Variants in MYO15A observed in about 807,000 individuals in gnomAD.
The protein encoded by MYO15A is unconventional myosin-XV.
MYO15A carries 308 observed loss-of-function variants against 394.6 expected under a neutral mutation model. That is an observed-to-expected ratio of 0.78 (90% CI 0.71 to 0.86). MYO15A has a LOEUF of 0.86. Among genes scored for constraint, MYO15A ranks in the 40% least tolerant of loss-of-function variants. The pLI is 0.00. For synonymous variants in MYO15A, 1,957 were observed against 2,003.8 expected (o/e 0.98, Z 0.62); for missense variants, 4,606 against 4,799.1 (o/e 0.96, Z 1.19).
intron 7 of MYO15A, among the ~76,000 whole-genome samples, chr17:18,129,411 T>C (rs942797493): frequency 6.6e-6 from 1 of 152,210 alleles, no homozygotes; most frequent in African/African-American, 2.4e-5. Context: ...CCTTGACTTA[T>C]TGAGCAATCA....
In MYO15A at chr17:18,119,218, A is replaced by C. The variant is rs1380697084; in HGVS notation, c.418A>C (p.Lys140Gln). The C allele has an allele frequency of 1.2e-6, 2 of 1,612,468 alleles. No homozygotes were observed. Among genetic ancestry groups the C allele is most frequent in the Non-Finnish European group, 1.7e-6 (2 of 1,179,892 alleles). ...ASTAINWLTK[K>Q]FLLKKAEESG... ...CACGGCCATCAACTGGCTCACAAAA[A>C]AGTTCCTCCTCAAGAAGGCCGAGGA... Residue 140 changes from lysine (K) to glutamine (Q), a missense_variant, in exon 2 of 66, where the codon AAG becomes CAG. Physicochemically the swap from Lys to Gln is moderately conservative, Grantham distance 53. Coordinates refer to ENST00000647165, the MANE Select transcript of MYO15A (RefSeq NM_016239.4).
At chr17:18,113,840 A>ACT (rs1555536611) in intron 1 of MYO15A, among the ~76,000 whole-genome samples, 3 of 141,082 alleles carry the variant, frequency 2.1e-5, no homozygotes, top group South Asian at 2.3e-4. Context: ...ACACACACAC[A>ACT]CTCTTCCTAC....
Position 18,157,830 on chromosome 17 carries a change from G to A in MYO15A, c.8897G>A (p.Gly2966Asp), listed in dbSNP as rs1351342041. The change falls in exon 51 of 66, where the codon GGC becomes GAC. Residue 2966 changes from glycine to aspartate, a missense_variant. Physicochemically the swap from Gly to Asp is moderately conservative, Grantham distance 94. Around this residue, in one of 2 missense-constraint regions of MYO15A, gnomAD observed 2,776 missense variants for 3,109.3 expected, o/e 0.89. Coordinates refer to ENST00000647165, the MANE Select transcript of MYO15A (RefSeq NM_016239.4). ...CAGCTGCCAACGGAGCCAGGCCGCG[G>A]CCGAGCAGCCGCCGTGGCCGCTGCT... Reference protein sequence around the residue: ...FLQLPTEPGRGRAAAVAAAVA... With the variant: ...FLQLPTEPGRDRAAAVAAAVA... 2 of 1,592,170 alleles carry A rather than the reference G, an allele frequency of 1.3e-6. No homozygotes were observed. Among genetic ancestry groups the A allele is most frequent in the Non-Finnish European group, 1.7e-6 (2 of 1,174,760 alleles).
chr17:18,116,781 G>A (rs560156336), intron 1 of MYO15A, among the ~76,000 whole-genome samples: 2 of 152,248 alleles, frequency 1.3e-5, no homozygotes, highest in South Asian at 2.1e-4. Flanking sequence ...TTGGCCAGGC[G>A]TGGTGGCACA....
rs1160837213 is a variant in MYO15A at position 18,179,278 on chromosome 17, A to C, written c.*408A>C. On this transcript the variant is annotated 3_prime_UTR_variant, in exon 66 of 66. Transcript: ENST00000647165. ...AGGGTCTGATGTTGGAATCTGCTCC[A>C]ACTCCACACCCTAGCCCTTACATGT... 1 of 328,558 alleles carries C rather than the reference A, an allele frequency of 3.0e-6. No individual in the cohort carries two copies. Among genetic ancestry groups the C allele is most frequent in the Non-Finnish European group, 5.9e-6 (1 of 168,470 alleles). 20.4% of individuals were successfully genotyped at this position (328,558 alleles called of 1,614,324 possible).
In MYO15A at chr17:18,120,330, G is replaced by A. The variant is rs779787865; in HGVS notation, c.1530G>A (p.Ala510=). The change falls in exon 2 of 66, where the codon GCG becomes GCA. Residue 510 remains alanine, a synonymous_variant. Transcript: ENST00000647165. The stretch of plus-strand genomic sequence containing the variant: ...ACATTCCTCTCCCCTTGGGGGATGC[G>A]GACGAAGAAGAGGACGAGGAGGAGC... The part of the protein sequence containing the change: ...SLDIPLPLGD[A]DEEEDEEELP... The A allele has an allele frequency of 6.2e-7, 1 of 1,612,226 alleles. No homozygotes were observed. Among genetic ancestry groups the A allele is most frequent in the Non-Finnish European group, 8.5e-7 (1 of 1,179,986 alleles).
At chr17:18,175,212 C>G (rs1017485924) in intron 65 of MYO15A, among the ~76,000 whole-genome samples, 1 of 151,678 alleles carries the variant, frequency 6.6e-6, no homozygotes, top group Non-Finnish European at 1.5e-5. Flanking sequence ...AGCCACTGCA[C>G]CCAGCCTTCT....
intron 19 of MYO15A, 135 bp downstream of exon 19, chr17:18,139,746 G>A: frequency 1.9e-6 from 2 of 1,054,862 alleles, no homozygotes; most frequent in South Asian, 1.4e-5. Flanking sequence ...AGACAAGGGT[G>A]GCCTGGACAC....
At chr17:18,110,284 G>T (rs1306390944) in intron 1 of MYO15A, 2 of 152,288 alleles carry the variant, frequency 1.3e-5, no homozygotes, top group East Asian at 3.9e-4. Context: ...CTGTGTCATT[G>T]TCCCCTCTCC....
At chr17:18,155,246 C>T in intron 46 of MYO15A, 21 bp downstream of exon 46, 1 of 1,613,782 alleles carries the variant, frequency 6.2e-7, no homozygotes. Flanking sequence ...CTCACTTGCC[C>T]CCTACCTGTC....
Position 18,179,037 on chromosome 17 carries a change from C to T in MYO15A, c.*167C>T. ...CAAATCCCCAAGAACACAAGAAGACCCATCCTGAACTGGGATGGAATGGCA... is the reference window on the plus strand; with the variant it reads ...CAAATCCCCAAGAACACAAGAAGACTCATCCTGAACTGGGATGGAATGGCA... On this transcript the variant is annotated 3_prime_UTR_variant, in exon 66 of 66. Coordinates refer to ENST00000647165, the MANE Select transcript of MYO15A (RefSeq NM_016239.4). 1 of 693,418 alleles carries T rather than the reference C, an allele frequency of 1.4e-6. No homozygotes were observed. The highest frequency in any genetic ancestry group is 2.5e-6 in the Non-Finnish European group (1 of 396,552). 43.0% of individuals were successfully genotyped at this position (693,418 alleles called of 1,614,324 possible).
Position 18,126,845 on chromosome 17 carries a change from G to C in MYO15A, c.3921G>C (p.Gln1307His), listed in dbSNP as rs2046053390. 1 of 1,613,898 alleles carries C rather than the reference G, an allele frequency of 6.2e-7. No individual in the cohort carries two copies. The highest frequency in any genetic ancestry group is 1.3e-5 in the African/African-American group (1 of 74,884). ...LAFAKMLDAK[Q>H]NQCIIISGES... ...TCGCCAAAATGCTCGATGCCAAACAGAACCAGTGCATAATCATTAGGTGAG... is the reference window on the plus strand; with the variant it reads ...TCGCCAAAATGCTCGATGCCAAACACAACCAGTGCATAATCATTAGGTGAG... Residue 1307 changes from glutamine to histidine, a missense_variant, in exon 6 of 66, where the codon CAG becomes CAC. By Grantham distance (24) the Gln-to-His change is conservative. Transcript: ENST00000647165.
intron 22 of MYO15A, 95 bp from the exon 23 acceptor site, chr17:18,141,558 T>A (rs1462160466): frequency 8.2e-7 from 1 of 1,216,062 alleles, no homozygotes; most frequent in Non-Finnish European, 1.2e-6. Context: ...GGGACCAGGC[T>A]TTTTGGACAC....
chr17:18,122,356 C>T lies in MYO15A; in HGVS notation c.3556C>T (p.Leu1186=). ...SCHLGPGAAC[L]SLRGSWEEVG... ...CCACCTGGGCCCTGGAGCTGCCTGC[C>T]TGTCCCTTAGGGGCTCCTGGGAGGA... The change falls in exon 2 of 66, where the codon CTG becomes TTG. Residue 1186 remains leucine (L), a synonymous_variant. Transcript: ENST00000647165. 6.2e-7 allele frequency: 1 copy of T among 1,612,916 alleles called. No individual in the cohort carries two copies. Among genetic ancestry groups the T allele is most frequent in the Non-Finnish European group, 8.5e-7 (1 of 1,179,984 alleles).
chr17:18,142,288 C>T (rs377623749), intron 24 of MYO15A, 34 bp downstream of exon 24: 3 of 1,602,618 alleles, frequency 1.9e-6, no homozygotes, highest in African/African-American at 2.7e-5. Context: ...TCCTAGGAGA[C>T]CTATGGTCAG....
chr17:18,119,688 T>C lies in MYO15A; in HGVS notation c.888T>C (p.Gly296=), dbSNP rs574776521. 9 of 1,608,784 alleles carry C rather than the reference T, an allele frequency of 5.6e-6. No homozygotes were observed. Among genetic ancestry groups the C allele is most frequent in the Middle Eastern group, 1.6e-4 (1 of 6,062 alleles). ...PYDYYHPDYY[G]GPFDPGYTYG... ...ACTACTACCACCCCGACTATTACGG[T>C]GGCCCCTTTGATCCGGGGTACACCT... Residue 296 remains glycine, a synonymous_variant, in exon 2 of 66, where the codon GGT becomes GGC. Transcript: ENST00000647165.
At chr17:18,140,470 CTCCCGGACCCTGCCTGTCTGTTT>C (rs1490964021) in intron 19 of MYO15A, 24 bp from the exon 20 acceptor site, 1 of 1,612,460 alleles carries the variant, frequency 6.2e-7, no homozygotes. Flanking sequence ...TCATTTCGGT[CTCCCGGACCCTGCCTGTCTGTTT>C]TCCCTGCCCC....
chr17:18,160,136 C>A, intron 56 of MYO15A, 119 bp downstream of exon 56: 1 of 927,674 alleles, frequency 1.1e-6, no homozygotes, highest in South Asian at 1.4e-5. Flanking sequence ...CTCTCACCCT[C>A]ATCCTCACTC....
intron 41 of MYO15A, 68 bp downstream of exon 41, chr17:18,152,019 G>A: frequency 6.5e-7 from 1 of 1,539,938 alleles, no homozygotes; most frequent in South Asian, 1.2e-5. Context: ...GGGATCCTCA[G>A]AAACCAGCTA....
Sources: allele counts gnomAD v4.1 joint callset (sites outside exome capture counted in the v4.1 genomes callset), GRCh38; gene constraint gnomAD v4.1.1; regional missense constraint gnomAD v4.1.1; transcripts MANE v1.5; gene names NCBI Gene and HGNC (gene_info 2026-07-23, HGNC 2026-07-21).